The following XAB2 variants were observed in gnomAD, a reference collection of about 807,000 sequenced individuals.
XAB2 encodes XPA binding protein 2.
Under a neutral mutation model 113.4 loss-of-function variants are expected in XAB2, and 57 were observed. The observed-to-expected ratio is 0.50, with a 90% CI of 0.41 to 0.63. The LOEUF is 0.63. XAB2 is among the 20% of genes least tolerant of loss of function. XAB2 has a pLI of 0.00. For synonymous variants in XAB2, 497 were observed against 498.8 expected (o/e 1.00, Z 0.05); for missense variants, 1,037 against 1,233.3 (o/e 0.84, Z 2.38).
intron 13 of XAB2, 37 bp from the exon 14 acceptor site, chr19:7,621,073 G>A: frequency 6.5e-7 from 1 of 1,538,492 alleles, no homozygotes; most frequent in South Asian, 1.2e-5. Flanking sequence ...AGCACGGTCA[G>A]CCGGGGCCAG....
In XAB2 at chr19:7,628,583, C is replaced by T. The variant is rs552291357; in HGVS notation, c.52-285G>A. ...GGCCAGGAATGAGTCCGCATCACCA[C>T]TCGCTTTCTGCCCCAGATGGTCAGA... On this transcript the variant is annotated intron_variant, in intron 1 of 18. Transcript: ENST00000358368. The surrounding 1 kb of genome is among the most constrained non-coding windows in gnomAD (Gnocchi z 4.6). Among the ~76,000 whole-genome samples the T allele has an allele frequency of 6.6e-6, 1 of 152,328 alleles. No individual in the cohort carries two copies. The highest frequency in any genetic ancestry group is 6.5e-5 in the Admixed American group (1 of 15,304).
In XAB2 at chr19:7,619,532, C is replaced by G. The variant is rs979957761; in HGVS notation, c.*54G>C. 2.2e-6 allele frequency: 3 copies of G among 1,343,964 alleles called. No individual in the cohort carries two copies. The African/African-American group carries it at 4.8e-5, about 21-fold the overall frequency. The allele number at this position is 1,343,964 out of a possible 1,614,324, so 83.3% of individuals were successfully genotyped here. A position where few individuals can be genotyped will look rare whatever the true frequency, so the allele number is the denominator to read the frequency against. ...GGAAGGAGGCTCAGACCATGATGTA[C>G]AAACGTAGCTGTATTGGGGAGGGGG... On this transcript the variant is annotated 3_prime_UTR_variant, in exon 19 of 19. Transcript: ENST00000358368.
rs763824243 is a variant in XAB2, at chr19:7,620,130, C to T, written c.2267-55G>A. The T allele has an allele frequency of 8.1e-5, 129 of 1,599,066 alleles. 2 individuals carry two copies. The highest frequency in any genetic ancestry group is 2.9e-4 in the South Asian group (26 of 90,468). On this transcript the variant is annotated intron_variant, in intron 16 of 18. Transcript: ENST00000358368. ...ACGGGGGCCCCTCCCACACATCGGA[C>T]GTTGCACTATCCCAGTCCCCCAGGT...
intron 18 of XAB2, 33 bp from the exon 19 acceptor site, chr19:7,619,680 G>A (rs1291528584): frequency 1.9e-6 from 3 of 1,605,398 alleles, no homozygotes; most frequent in Admixed American, 3.4e-5. Context: ...TCACCCTCCT[G>A]GCGTTGGCCT....
chr19:7,629,411 A>G (rs551940251), intron 1 of XAB2, 66 bp downstream of exon 1: 1 of 1,547,312 alleles, frequency 6.5e-7, no homozygotes, highest in South Asian at 1.2e-5. Context: ...CCCAGCCTCG[A>G]TCCCCTGCGG....
At position 7,623,288 on chromosome 19, in the gene XAB2, ATCTGGGGACAGG is replaced by A. The variant is rs762653976; in HGVS notation, c.1120-11_1120del. On this transcript the variant is annotated splice_acceptor_variant and splice_polypyrimidine_tract_variant and coding_sequence_variant and intron_variant, in exon 9 of 19. Transcript: ENST00000358368. LOFTEE classifies it high-confidence loss of function. This position sits in a 1 kb window ranked among gnomAD's most constrained non-coding sequence, Gnocchi z 4.6. ...CACAGCCTCTGTGTAGGTGTTGATG[ATCTGGGGACAGG>A]AGGGAGGAGGTCATATAGGACTCAG... 5.6e-6 allele frequency: 9 copies of A among 1,613,390 alleles called. No homozygotes were observed. In the South Asian group the frequency reaches 9.9e-5, roughly 18 times the overall value.
rs1017855362 is a variant in XAB2 at position 7,625,603 on chromosome 19, C to T, written c.822+277G>A. Among the ~76,000 whole-genome samples the T allele has an allele frequency of 2.6e-5, 4 of 151,848 alleles. No homozygotes were observed. Among genetic ancestry groups the T allele is most frequent in the Admixed American group, 6.6e-5 (1 of 15,240 alleles). ...AAGCGATTCTCCTGCCTCAGCCTCC[C>T]GAGTAGCTGGGATTACAGGCGCGCA... On this transcript the variant is annotated intron_variant, in intron 6 of 18. Transcript: ENST00000358368. This position sits in a 1 kb window ranked among gnomAD's most constrained non-coding sequence, Gnocchi z 5.2.
In XAB2 at chr19:7,628,225, A is replaced by C; in HGVS notation, c.125T>G (p.Ile42Ser). The change falls in exon 2 of 19, where the codon ATC becomes AGC. Residue 42 changes from isoleucine (I) to serine (S), a missense_variant. Transcript: ENST00000358368. The surrounding 1 kb of genome is among the most constrained non-coding windows in gnomAD (Gnocchi z 4.6). ...CTTCGGGGCGCCCTGTTTGAACTCG[A>C]TGTAGCGAAGCCAGCATTTGACAGA... is the stretch of plus-strand genomic sequence containing the variant. Reference protein sequence around the residue: ...QFSVKCWLRYIEFKQGAPKPR... With the variant: ...QFSVKCWLRYSEFKQGAPKPR... 6.2e-7 allele frequency: 1 copy of C among 1,614,090 alleles called. No individual in the cohort carries two copies. The highest frequency in any genetic ancestry group is 8.5e-7 in the Non-Finnish European group (1 of 1,180,014).
At position 7,620,625 on chromosome 19, in the gene XAB2, T is replaced by G. The variant is rs1444731551; in HGVS notation, c.2016A>C (p.Ala672=). 6.2e-7 allele frequency: 1 copy of G among 1,613,206 alleles called. No individual in the cohort carries two copies. Reference sequence around the variant, plus strand: ...TCTCCCCGAGCTTGCACTCCATGTCTGCAAACCGCAGGCACATCTCACGCG... The same window carrying G: ...TCTCCCCGAGCTTGCACTCCATGTCGGCAAACCGCAGGCACATCTCACGCG... The part of the protein sequence containing the change: ...EHAREMCLRF[A]DMECKLGEID... Residue 672 remains alanine (A), a synonymous_variant, in exon 15 of 19, where the codon GCA becomes GCC. Coordinates refer to ENST00000358368, the MANE Select transcript of XAB2 (RefSeq NM_020196.3).
chr19:7,621,390 C>G, intron 12 of XAB2, 93 bp from the exon 13 acceptor site: 1 of 1,450,782 alleles, frequency 6.9e-7, no homozygotes, highest in South Asian at 1.3e-5. Flanking sequence ...AGGGAGCCTG[C>G]CAGGAACTCC....
At position 7,623,700 on chromosome 19, in the gene XAB2, CA is replaced by C; in HGVS notation, c.1119+30del. 1.3e-6 allele frequency: 2 copies of C among 1,551,648 alleles called. No homozygotes were observed. Among genetic ancestry groups the C allele is most frequent in the Non-Finnish European group, 1.7e-6 (2 of 1,152,908 alleles). On this transcript the variant is annotated intron_variant, in intron 8 of 18. Coordinates refer to ENST00000358368, the MANE Select transcript of XAB2 (RefSeq NM_020196.3). The surrounding 1 kb of genome is among the most constrained non-coding windows in gnomAD (Gnocchi z 4.6). ...CCCAGTTCTGCAGGAAACTGGCCCT[CA>C]GGGGTAGGACTGGGGCAGGCTTCAT...
At position 7,625,379 on chromosome 19, in the gene XAB2, T is replaced by G. The variant is rs1303456347; in HGVS notation, c.822+501A>C. 1.3e-5 allele frequency among the ~76,000 whole-genome samples: 2 copies of G among 151,616 alleles called. No homozygotes were observed. Among genetic ancestry groups the G allele is most frequent in the Non-Finnish European group, 2.9e-5 (2 of 67,956 alleles). On this transcript the variant is annotated intron_variant, in intron 6 of 18. Coordinates refer to ENST00000358368, the MANE Select transcript of XAB2 (RefSeq NM_020196.3). The surrounding 1 kb of genome is among the most constrained non-coding windows in gnomAD (Gnocchi z 5.2). The stretch of plus-strand genomic sequence containing the variant: ...AACCCTGAACGCAAATGTGGCTGAC[T>G]CCAAGGCTGACGTGCCTGCGGGCAG...
Position 7,623,101 on chromosome 19 carries a change from C to A in XAB2, c.1239+69G>T. On this transcript the variant is annotated intron_variant, in intron 9 of 18. Transcript: ENST00000358368. This position sits in a 1 kb window ranked among gnomAD's most constrained non-coding sequence, Gnocchi z 4.6. ...ATCCATGCACAAATATGTACACACACATACATGCACACATATACAAGCACA... is the reference window on the plus strand; with the variant it reads ...ATCCATGCACAAATATGTACACACAAATACATGCACACATATACAAGCACA... 1 of 1,594,150 alleles carries A rather than the reference C, an allele frequency of 6.3e-7. No individual in the cohort carries two copies. Among genetic ancestry groups the A allele is most frequent in the African/African-American group, 1.3e-5 (1 of 74,854 alleles).
Position 7,620,403 on chromosome 19 carries a change from C to A in XAB2, c.2138G>T (p.Arg713Leu). 6.2e-7 allele frequency: 1 copy of A among 1,611,578 alleles called. No individual in the cohort carries two copies. The highest frequency in any genetic ancestry group is 8.5e-7 in the Non-Finnish European group (1 of 1,179,756). Residue 713 changes from arginine to leucine, a missense_variant, in exon 16 of 19, where the codon CGG (arginine) becomes CTG (leucine). Transcript: ENST00000358368. ...FWQTWKDFEVRHGNEDTIKEM... is the reference protein window; with the variant it reads ...FWQTWKDFEVLHGNEDTIKEM... ...CTTGATGGTGTCCTCATTGCCATGC[C>A]GGACCTCAAAGTCCTTCCACGTCTG...
chr19:7,621,344 C>G (rs2031030077), intron 12 of XAB2, 47 bp from the exon 13 acceptor site: 1 of 1,597,608 alleles, frequency 6.3e-7, no homozygotes, highest in South Asian at 1.1e-5. Context: ...AGATAGAGAC[C>G]ACCAGGCACC....
Position 7,623,775 on chromosome 19 carries a change from C to T in XAB2, c.1075G>A (p.Glu359Lys), listed in dbSNP as rs1470344224. The T allele has an allele frequency of 3.7e-6, 6 of 1,611,728 alleles. No individual in the cohort carries two copies. Among genetic ancestry groups the T allele is most frequent in the African/African-American group, 1.3e-5 (1 of 74,860 alleles). Residue 359 changes from glutamate (E) to lysine (K), a missense_variant, in exon 8 of 19, where the codon GAG (glutamate) becomes AAG (lysine). Physicochemically the swap from Glu to Lys is moderately conservative, Grantham distance 56. Transcript: ENST00000358368. The surrounding 1 kb of genome is among the most constrained non-coding windows in gnomAD (Gnocchi z 4.6). ...LLRQNPHHVH[E>K]WHKRVALHQG... Reference sequence around the variant, plus strand: ...TGCAGGGCGACACGCTTGTGCCACTCGTGCACGTGGTGTGGGTTTTGGCGC... The same window carrying T: ...TGCAGGGCGACACGCTTGTGCCACTTGTGCACGTGGTGTGGGTTTTGGCGC...
In XAB2 at chr19:7,627,665, G is replaced by T; in HGVS notation, c.324+63C>A. Reference sequence around the variant, plus strand: ...CATGCTGAGCCCAGCCCCTGTCCCCGCCCCACCCACCACCATGGACTGAGC... The same window carrying T: ...CATGCTGAGCCCAGCCCCTGTCCCCTCCCCACCCACCACCATGGACTGAGC... On this transcript the variant is annotated intron_variant, in intron 3 of 18. Coordinates refer to ENST00000358368, the MANE Select transcript of XAB2 (RefSeq NM_020196.3). This position sits in a 1 kb window ranked among gnomAD's most constrained non-coding sequence, Gnocchi z 4.5. 4.6e-6 allele frequency: 4 copies of T among 867,522 alleles called. No homozygotes were observed. Among genetic ancestry groups the T allele is most frequent in the Non-Finnish European group, 7.1e-6 (4 of 564,602 alleles). The allele number at this position is 867,522 out of a possible 1,614,324, so 53.7% of individuals were successfully genotyped here. A position where few individuals can be genotyped will look rare whatever the true frequency, so the allele number is the denominator to read the frequency against.
In XAB2 at chr19:7,623,348, G is replaced by A; in HGVS notation, c.1120-59C>T. 1 of 1,594,170 alleles carries A rather than the reference G, an allele frequency of 6.3e-7. No individual in the cohort carries two copies. Among genetic ancestry groups the A allele is most frequent in the East Asian group, 2.2e-5 (1 of 44,524 alleles). ...CAGGACCCTGCAGATGACGGTCGGG[G>A]CAGAGCTGTGGCTCTGAGGGGTGGG... is the stretch of plus-strand genomic sequence containing the variant. On this transcript the variant is annotated intron_variant, in intron 8 of 18. Coordinates refer to ENST00000358368, the MANE Select transcript of XAB2 (RefSeq NM_020196.3). The surrounding 1 kb of genome is among the most constrained non-coding windows in gnomAD (Gnocchi z 4.6).
At position 7,623,591 on chromosome 19, in the gene XAB2, A is replaced by AC; in HGVS notation, c.1119+139dup. On this transcript the variant is annotated intron_variant, in intron 8 of 18. Transcript: ENST00000358368. This position sits in a 1 kb window ranked among gnomAD's most constrained non-coding sequence, Gnocchi z 4.6. ...GGGGCGGGGCTCGGGCAGGAGGAGA[A>AC]CCCCAAGAACAGGGGTGGAATTGGA... 7.9e-7 allele frequency: 1 copy of AC among 1,258,680 alleles called. No individual in the cohort carries two copies. Among genetic ancestry groups the AC allele is most frequent in the Non-Finnish European group, 1.1e-6 (1 of 920,952 alleles). The allele number at this position is 1,258,680 out of a possible 1,614,324, so 78.0% of individuals were successfully genotyped here. A position where few individuals can be genotyped will look rare whatever the true frequency, so the allele number is the denominator to read the frequency against.
Sources: allele counts gnomAD v4.1 joint callset (sites outside exome capture counted in the v4.1 genomes callset), GRCh38; gene constraint gnomAD v4.1.1; non-coding constraint Gnocchi (gnomAD v3.1); transcripts MANE v1.5; gene names NCBI Gene and HGNC (gene_info 2026-07-23, HGNC 2026-07-21).